Variants in TRPM3 observed in about 807,000 individuals in gnomAD.
TRPM3 encodes long transient receptor potential channel 3.
A neutral mutation model predicts 181.2 loss-of-function variants in TRPM3; 77 were observed. The ratio of observed to expected loss-of-function variants is 0.42; its 90% confidence interval spans 0.35 to 0.51. The LOEUF is 0.51. Ranked by LOEUF, TRPM3 falls within the 20% of genes least tolerant of loss-of-function variation. The pLI is 0.01. For missense variants in TRPM3, 1,759 were observed against 2,196.7 expected, an observed-to-expected ratio of 0.80 and a Z score of 3.98; for synonymous variants, 745 against 796.4, an observed-to-expected ratio of 0.94 and a Z score of 1.09.
chr9:71,114,612 G>A (rs753090461), intron 1 of TRPM3, among the ~76,000 whole-genome samples: 9 of 152,152 alleles, frequency 5.9e-5, no homozygotes, highest in Non-Finnish European at 8.8e-5. Flanking sequence ...GTTGTGCGGT[G>A]GAGGTGGTTG....
At chr9:70,744,080 C>T (rs963013958) in intron 8 of TRPM3, among the ~76,000 whole-genome samples, 3 of 152,040 alleles carry the variant, frequency 2.0e-5, no homozygotes, top group African/African-American at 7.2e-5. Context: ...GTAATCCCAG[C>T]TCTTTGGGAG....
chr9:70,963,898 T>C lies in TRPM3; in HGVS notation c.178-99387A>G, dbSNP rs192406465. ...AGCAAGACTTTAAAATTAAAACTAATAAAGGCCAATTATAATATTAAAGAT... is the reference window on the plus strand; with the variant it reads ...AGCAAGACTTTAAAATTAAAACTAACAAAGGCCAATTATAATATTAAAGAT... On this transcript the variant is annotated intron_variant, in intron 1 of 25. Transcript: ENST00000677713. 1.3e-3 allele frequency among the ~76,000 whole-genome samples: 197 copies of C among 152,214 alleles called. No individual in the cohort carries two copies. The Middle Eastern group carries it at 0.014, about 11-fold the overall frequency.
intron 22 of TRPM3, among the ~76,000 whole-genome samples, chr9:70,560,567 G>A (rs1712883989): frequency 6.6e-6 from 1 of 152,188 alleles, no homozygotes; most frequent in African/African-American, 2.4e-5. Context: ...GTCCCTGTCA[G>A]GTAGCTCAGA....
chr9:70,917,100 A>G, intron 1 of TRPM3: 1 of 1,602,022 alleles, frequency 6.2e-7, no homozygotes, highest in Non-Finnish European at 8.5e-7. Context: ...ACTTTCAGAG[A>G]GATGTAACAC....
intron 19 of TRPM3, among the ~76,000 whole-genome samples, chr9:70,606,538 G>A (rs1449766730): frequency 6.6e-6 from 1 of 152,048 alleles, no homozygotes; most frequent in Non-Finnish European, 1.5e-5. Flanking sequence ...CATAACAGAG[G>A]ACTGGCTGCT....
At chr9:70,538,164 A>G (rs976047823) in intron 25 of TRPM3, among the ~76,000 whole-genome samples, 9 of 152,270 alleles carry the variant, frequency 5.9e-5, no homozygotes, top group Non-Finnish European at 1.0e-4. Flanking sequence ...GTATCTGTCA[A>G]TAAGTCAATT....
intron 1 of TRPM3, among the ~76,000 whole-genome samples, chr9:71,364,303 G>C (rs532877686): frequency 6.2e-4 from 95 of 152,080 alleles, no homozygotes; most frequent in African/African-American, 2.2e-3. Flanking sequence ...ACTAATTCTT[G>C]AACCATTTAA....
At chr9:71,254,627 A>T (rs530296671) in intron 1 of TRPM3, among the ~76,000 whole-genome samples, 8 of 152,308 alleles carry the variant, frequency 5.3e-5, no homozygotes, top group African/African-American at 1.9e-4. Context: ...AAATTAAATG[A>T]TTTTTTAAAA....
At chr9:71,399,963 C>T (rs897243386) in intron 1 of TRPM3, among the ~76,000 whole-genome samples, 1 of 152,098 alleles carries the variant, frequency 6.6e-6, no homozygotes, top group African/African-American at 2.4e-5. Flanking sequence ...TGGATCAAAG[C>T]TAAGCGAGCT....
intron 1 of TRPM3, among the ~76,000 whole-genome samples, chr9:71,292,894 C>A (rs957378841): frequency 6.6e-6 from 1 of 151,820 alleles, no homozygotes; most frequent in Admixed American, 6.6e-5. Context: ...TATATATTGT[C>A]ATTCAACTAA....
intron 1 of TRPM3, among the ~76,000 whole-genome samples, chr9:71,280,141 A>G (rs1249159917): frequency 6.6e-6 from 1 of 151,932 alleles, no homozygotes; most frequent in Non-Finnish European, 1.5e-5. Context: ...TGTAAAACCA[A>G]TTATGCTCTA....
intron 1 of TRPM3, among the ~76,000 whole-genome samples, chr9:71,086,851 C>G (rs1345339611): frequency 6.6e-6 from 1 of 151,994 alleles, no homozygotes; most frequent in Admixed American, 6.6e-5. Flanking sequence ...GAGTGAGGCA[C>G]CATTTCATGT....
intron 1 of TRPM3, among the ~76,000 whole-genome samples, chr9:70,915,543 G>A (rs1054699663): frequency 6.6e-6 from 1 of 151,328 alleles, no homozygotes; most frequent in African/African-American, 2.4e-5. Flanking sequence ...CTGACTTTGT[G>A]ATCTGCCCGC....
At chr9:71,004,602 A>G (rs776456397) in intron 1 of TRPM3, among the ~76,000 whole-genome samples, 2 of 152,236 alleles carry the variant, frequency 1.3e-5, no homozygotes, top group Non-Finnish European at 2.9e-5. Context: ...GACATCACCA[A>G]AAGAAACAAA....
rs2093417903 is a variant in TRPM3, at chr9:70,824,454, G to A, written c.973+3393C>T. ...TATTTTATTTTTTTTTTGAGATGGA[G>A]TCCTGCTCTGTCGCCCAGGCTGGAG... On this transcript the variant is annotated intron_variant, in intron 6 of 25. Coordinates refer to ENST00000677713, the MANE Select transcript of TRPM3 (RefSeq NM_001366145.2). 9 of 151,614 alleles carry A rather than the reference G, an allele frequency of 5.9e-5. No homozygotes were observed. The South Asian group carries it at 1.9e-3, about 32-fold the overall frequency. The allele number at this position is 151,614 out of a possible 1,614,324, so 9.4% of individuals were successfully genotyped here.
intron 9 of TRPM3, among the ~76,000 whole-genome samples, chr9:70,641,937 C>T (rs1212954905): frequency 1.3e-5 from 2 of 152,156 alleles, no homozygotes; most frequent in African/African-American, 4.8e-5. Flanking sequence ...AATAAATATC[C>T]AGTTTACATG....
intron 22 of TRPM3, among the ~76,000 whole-genome samples, chr9:70,570,657 T>A (rs2052066051): frequency 6.6e-6 from 1 of 152,188 alleles, no homozygotes. Context: ...ATATTCACTA[T>A]TTTTTTCTCT....
chr9:71,177,997 G>A (rs917944553), intron 1 of TRPM3, among the ~76,000 whole-genome samples: 2 of 147,932 alleles, frequency 1.4e-5, no homozygotes, highest in African/African-American at 5.0e-5. Context: ...ACTGAACCAA[G>A]ATACGATCTT....
chr9:70,845,817 G>A (rs1011271952), intron 4 of TRPM3, among the ~76,000 whole-genome samples: 1 of 152,140 alleles, frequency 6.6e-6, no homozygotes, highest in Non-Finnish European at 1.5e-5. Flanking sequence ...ACTGATTTGA[G>A]AATGCGTCTA....
Sources: gnomAD v4.1 joint callset for allele counts (sites outside exome capture counted in the v4.1 genomes callset) on GRCh38, gnomAD v4.1.1 for gene constraint, MANE v1.5 for transcripts, NCBI Gene and HGNC (gene_info 2026-07-23, HGNC 2026-07-21) for gene names.